KCNH8: variants seen among roughly 807,000 people sequenced by gnomAD.
KCNH8 encodes voltage-gated delayed rectifier potassium channel KCNH8.
KCNH8 carries 70 observed loss-of-function variants against 103.6 expected under a neutral mutation model. The ratio of observed to expected loss-of-function variants is 0.68; its 90% CI spans 0.56 to 0.82. The LOEUF (loss-of-function observed/expected upper bound fraction) is 0.82. Among genes scored for constraint, KCNH8 ranks in the 40% least tolerant of loss-of-function variants. The pLI, the probability that KCNH8 is intolerant of heterozygous loss-of-function variation, is 0.00. For synonymous variants in KCNH8, 498 were observed against 489.4 expected (o/e 1.02, Z -0.23); for missense variants, 1,217 against 1,329.9 (o/e 0.92, Z 1.32).
At chr3:19,346,180 G>T (rs1290040538) in intron 4 of KCNH8, among the ~76,000 whole-genome samples, 1 of 152,062 alleles carries the variant, frequency 6.6e-6, no homozygotes, top group East Asian at 1.9e-4. Flanking sequence ...ACAACTTGAA[G>T]TGTTTATCAG....
chr3:19,402,337 A>C (rs1240057323), intron 7 of KCNH8, among the ~76,000 whole-genome samples: 1 of 151,944 alleles, frequency 6.6e-6, no homozygotes, highest in Non-Finnish European at 1.5e-5. Flanking sequence ...TCATGGTTTT[A>C]ATCTTTTAAA....
intron 1 of KCNH8, among the ~76,000 whole-genome samples, chr3:19,236,180 G>C (rs1293297963): frequency 6.6e-6 from 1 of 152,140 alleles, no homozygotes; most frequent in Admixed American, 6.5e-5. Context: ...CAGAATACCA[G>C]GGCTGAAAGA....
At position 19,237,849 on chromosome 3, in the gene KCNH8, C is replaced by T. The variant is rs117339041; in HGVS notation, c.77-15805C>T. Among the ~76,000 whole-genome samples, 170 of 152,266 alleles carry T rather than the reference C, an allele frequency of 1.1e-3. No homozygotes were observed. The East Asian group carries it at 0.028, about 25-fold the overall frequency. Reference sequence around the variant, plus strand: ...TTCAAAGCAATTTTTATCCAAATTACATATCCATTGCTTAAGAAAAAAATG... The same window carrying T: ...TTCAAAGCAATTTTTATCCAAATTATATATCCATTGCTTAAGAAAAAAATG... On this transcript the variant is annotated intron_variant, in intron 1 of 15. Coordinates refer to ENST00000328405, the MANE Select transcript of KCNH8 (RefSeq NM_144633.3).
chr3:19,270,534 G>A (rs956065337), intron 2 of KCNH8, among the ~76,000 whole-genome samples: 3 of 152,114 alleles, frequency 2.0e-5, no homozygotes, highest in South Asian at 2.1e-4. Context: ...TACCTCACCT[G>A]AGTAGTCTGA....
At chr3:19,432,273 A>T (rs1366920735) in intron 7 of KCNH8, among the ~76,000 whole-genome samples, 1 of 152,176 alleles carries the variant, frequency 6.6e-6, no homozygotes. Context: ...GAAACTTGAG[A>T]TTCCTTTTCA....
At chr3:19,505,717 G>A (rs1457724367) in intron 11 of KCNH8, among the ~76,000 whole-genome samples, 4 of 152,102 alleles carry the variant, frequency 2.6e-5, no homozygotes, top group South Asian at 2.1e-4. Context: ...GTCTAGAGAG[G>A]ATGGGAAGGT....
chr3:19,397,012 C>G (rs2066528853), intron 7 of KCNH8, among the ~76,000 whole-genome samples: 1 of 151,918 alleles, frequency 6.6e-6, no homozygotes. Flanking sequence ...TATTCACACT[C>G]TCAAATTTAG....
intron 1 of KCNH8, among the ~76,000 whole-genome samples, chr3:19,235,356 CA>C (rs148096636): frequency 0.02 from 2,993 of 152,036 alleles, 81 homozygotes; most frequent in African/African-American, 0.066. Context: ...TTTATATACA[CA>C]AAAATATGAT....
chr3:19,507,005 G>A (rs1213514130), intron 11 of KCNH8, among the ~76,000 whole-genome samples: 2 of 152,128 alleles, frequency 1.3e-5, no homozygotes, highest in African/African-American at 4.8e-5. Flanking sequence ...AGTGGCCATG[G>A]GAGTGGGCCT....
intron 14 of KCNH8, among the ~76,000 whole-genome samples, 198 bp from the exon 15 acceptor site, chr3:19,517,800 T>C (rs2068900602): frequency 6.6e-6 from 1 of 152,006 alleles, no homozygotes; most frequent in Non-Finnish European, 1.5e-5. Flanking sequence ...CACCATGATG[T>C]GTGTCCAGAG....
At chr3:19,419,189 G>GTTTTTGT (rs1559318795) in intron 7 of KCNH8, among the ~76,000 whole-genome samples, 3 of 129,694 alleles carry the variant, frequency 2.3e-5, no homozygotes, top group African/African-American at 8.8e-5. Flanking sequence ...AATTAAAATG[G>GTTTTTGT]TTTTGGTTTT....
intron 1 of KCNH8, among the ~76,000 whole-genome samples, chr3:19,173,588 G>A (rs1281893981): frequency 6.6e-6 from 1 of 151,986 alleles, no homozygotes; most frequent in African/African-American, 2.4e-5. Context: ...TAGAGTAAGC[G>A]ATTTAGAGAA....
rs566352529 is a variant in KCNH8 at position 19,231,188 on chromosome 3, A to G, written c.77-22466A>G. Among the ~76,000 whole-genome samples the G allele has an allele frequency of 8.7e-4, 132 of 152,244 alleles. 1 individual carries two copies. The highest frequency in any genetic ancestry group is 3.0e-3 in the African/African-American group (125 of 41,572). The stretch of plus-strand genomic sequence containing the variant: ...AACTATTTTCTTAAAAATTTGATTT[A>G]TTAATATATAATATGCATATACACC... On this transcript the variant is annotated intron_variant, in intron 1 of 15. Transcript: ENST00000328405.
chr3:19,187,781 A>G (rs2063516413), intron 1 of KCNH8, among the ~76,000 whole-genome samples: 1 of 152,104 alleles, frequency 6.6e-6, no homozygotes, highest in Non-Finnish European at 1.5e-5. Context: ...TAAATTGTAC[A>G]TATAATGTAA....
intron 3 of KCNH8, among the ~76,000 whole-genome samples, chr3:19,319,793 C>T (rs1360005536): frequency 6.6e-6 from 1 of 152,068 alleles, no homozygotes; most frequent in Admixed American, 6.6e-5. Flanking sequence ...TCTACCCATT[C>T]ATGAGCATGG....
intron 2 of KCNH8, among the ~76,000 whole-genome samples, chr3:19,276,730 A>G (rs896019003): frequency 3.3e-5 from 5 of 152,188 alleles, no homozygotes; most frequent in African/African-American, 4.8e-5. Flanking sequence ...TCTGGAAAGC[A>G]TATGAGTTCT....
intron 8 of KCNH8, chr3:19,449,062 C>A: frequency 1.2e-6 from 1 of 827,982 alleles, no homozygotes; most frequent in Non-Finnish European, 1.7e-6. Flanking sequence ...TACCTAGATG[C>A]TTCCCAAAGT....
At chr3:19,499,758 C>G (rs1318036159) in intron 11 of KCNH8, among the ~76,000 whole-genome samples, 2 of 152,090 alleles carry the variant, frequency 1.3e-5, no homozygotes, top group African/African-American at 2.4e-5. Flanking sequence ...TTGTCACCAC[C>G]AGGCCTGCCC....
At chr3:19,269,292 C>A (rs1239056632) in intron 2 of KCNH8, among the ~76,000 whole-genome samples, 1 of 152,046 alleles carries the variant, frequency 6.6e-6, no homozygotes, top group East Asian at 1.9e-4. Context: ...TCTTTACTTT[C>A]CCAAAATTTC....
Sources: allele counts gnomAD v4.1 joint callset (sites outside exome capture counted in the v4.1 genomes callset), GRCh38; gene constraint gnomAD v4.1.1; transcripts MANE v1.5; gene names NCBI Gene and HGNC (gene_info 2026-07-23, HGNC 2026-07-21).